The following MYCT1 variants were observed in gnomAD, a reference collection of about 807,000 sequenced individuals.
The protein encoded by MYCT1 is MYC target 1, also known as myc target protein 1.
Under a neutral mutation model 15.0 loss-of-function variants are expected in MYCT1, and 12 were observed. The observed-to-expected ratio is 0.80, with a 90% CI of 0.51 to 1.29. The LOEUF (loss-of-function observed/expected upper bound fraction) is 1.29, where lower values mean the gene tolerates loss of function less well. Ranked by LOEUF, MYCT1 falls within the 50% of genes most tolerant of loss-of-function variation. The pLI is 0.00. For synonymous variants in MYCT1, 104 were observed against 102.7 expected, an observed-to-expected ratio of 1.01 and a Z score of -0.07; for missense variants, 287 against 279.1, an observed-to-expected ratio of 1.03 and a Z score of -0.20.
chr6:152,699,345 C>T (rs1293199632), intron 1 of MYCT1, among the ~76,000 whole-genome samples: 1 of 152,112 alleles, frequency 6.6e-6, no homozygotes, highest in African/African-American at 2.4e-5. Flanking sequence ...TTTTTTCTCA[C>T]CTACATTTAT....
At chr6:152,725,684 T>A (rs148586299), downstream of MYCT1, among the ~76,000 whole-genome samples, 267 of 152,334 alleles carry the variant, frequency 1.8e-3, 2 homozygotes, top group African/African-American at 6.1e-3. Context: ...CAAGGTAAAC[T>A]GGCATTGCCC....
At position 152,700,681 on chromosome 6, in the gene MYCT1, G is replaced by C. The variant is rs147072150; in HGVS notation, c.196+2583G>C. Reference sequence around the variant, plus strand: ...CTCTATAAACATTCCCATGAAAGCTGCAGGAAACATGGCCCGTGAAAATTT... The same window carrying C: ...CTCTATAAACATTCCCATGAAAGCTCCAGGAAACATGGCCCGTGAAAATTT... On this transcript the variant is annotated intron_variant, in intron 1 of 1. Transcript: ENST00000367245. Among the ~76,000 whole-genome samples the C allele has an allele frequency of 7.9e-3, 1,209 of 152,180 alleles. 14 individuals are homozygous for C. Among genetic ancestry groups the C allele is most frequent in the African/African-American group, 0.027 (1,120 of 41,522 alleles).
At chr6:152,714,942 G>T (rs1478884423) in intron 1 of MYCT1, among the ~76,000 whole-genome samples, 2 of 151,972 alleles carry the variant, frequency 1.3e-5, no homozygotes, top group African/African-American at 4.8e-5. Context: ...ATCTTTGTGA[G>T]GTCTGGTCTT....
chr6:152,698,907 G>A (rs1250456222), intron 1 of MYCT1, among the ~76,000 whole-genome samples: 2 of 152,186 alleles, frequency 1.3e-5, no homozygotes, highest in East Asian at 3.8e-4. Flanking sequence ...AGTTGCTCCA[G>A]GTTAGAGGTA....
the MYCT1 span, among the ~76,000 whole-genome samples, chr6:152,732,474 C>G: frequency 6.6e-6 from 1 of 151,764 alleles, no homozygotes; most frequent in East Asian, 1.9e-4. Context: ...AAAATAAGTT[C>G]AAAATGGAAA....
At chr6:152,739,284 TC>T in the MYCT1 span, among the ~76,000 whole-genome samples, 1 of 151,816 alleles carries the variant, frequency 6.6e-6, no homozygotes, top group South Asian at 2.1e-4. Context: ...TAAATTATAA[TC>T]TGCAATCAAT....
the MYCT1 span, among the ~76,000 whole-genome samples, chr6:152,736,336 G>A: frequency 6.6e-6 from 1 of 152,114 alleles, no homozygotes; most frequent in African/African-American, 2.4e-5. Context: ...GGAATTTTAT[G>A]TGGATGTGTC....
intron 1 of MYCT1, among the ~76,000 whole-genome samples, chr6:152,716,778 T>C (rs948127525): frequency 6.6e-6 from 1 of 152,194 alleles, no homozygotes; most frequent in South Asian, 2.1e-4. Context: ...TTAATTTATA[T>C]GGCATAGCTG....
the MYCT1 span, among the ~76,000 whole-genome samples, chr6:152,730,976 C>A: frequency 8.9e-4 from 135 of 152,108 alleles, no homozygotes; most frequent in African/African-American, 3.1e-3. Context: ...ACAGGTTATA[C>A]AACAAATGGT....
chr6:152,744,248 T>G, the MYCT1 span, among the ~76,000 whole-genome samples: 1 of 152,222 alleles, frequency 6.6e-6, no homozygotes, highest in Non-Finnish European at 1.5e-5. Flanking sequence ...GTTCACCAAT[T>G]GGACAGACCG....
At chr6:152,720,625 A>G (rs2099724533) in intron 1 of MYCT1, among the ~76,000 whole-genome samples, 1 of 152,216 alleles carries the variant, frequency 6.6e-6, no homozygotes, top group African/African-American at 2.4e-5. Context: ...TGAGTTTTCC[A>G]GACAGAAGCT....
At chr6:152,704,235 C>CA (rs2099721862) in intron 1 of MYCT1, among the ~76,000 whole-genome samples, 1 of 152,066 alleles carries the variant, frequency 6.6e-6, no homozygotes, top group South Asian at 2.1e-4. Flanking sequence ...CTCCTGGGCT[C>CA]AAGCGATTTG....
the MYCT1 span, among the ~76,000 whole-genome samples, chr6:152,747,144 T>C: frequency 6.6e-6 from 1 of 151,776 alleles, no homozygotes; most frequent in African/African-American, 2.4e-5. Flanking sequence ...ATATAGATGC[T>C]TTAAATATAT....
the MYCT1 span, among the ~76,000 whole-genome samples, chr6:152,734,686 G>A: frequency 6.6e-6 from 1 of 151,954 alleles, no homozygotes; most frequent in African/African-American, 2.4e-5. Flanking sequence ...TTAGGAAAAT[G>A]TTTCATTCTA....
rs1456402373 is a variant in MYCT1, at chr6:152,721,937, G to A, written c.392G>A (p.Cys131Tyr). The A allele has an allele frequency of 1.9e-6, 3 of 1,614,056 alleles. No individual in the cohort carries two copies. Among genetic ancestry groups the A allele is most frequent in the African/African-American group, 2.7e-5 (2 of 74,914 alleles). Residue 131 changes from cysteine (C) to tyrosine (Y), a missense_variant, in exon 2 of 2, where the codon TGT becomes TAT. Cys to Tyr is a radical substitution (Grantham distance 194). Coordinates refer to ENST00000367245, the MANE Select transcript of MYCT1 (RefSeq NM_025107.3). Reference protein sequence around the residue: ...NRTGFYRHSGCERRSNLSLAS... With the variant: ...NRTGFYRHSGYERRSNLSLAS... ...ACTGGATTTTACCGCCACAGTGGCT[G>A]TGAACGTCGAAGCAACCTCAGCCTG...
At chr6:152,731,328 C>G in the MYCT1 span, among the ~76,000 whole-genome samples, 1 of 152,066 alleles carries the variant, frequency 6.6e-6, no homozygotes, top group Non-Finnish European at 1.5e-5. Flanking sequence ...CATTGCTAAT[C>G]TAATAGATTG....
At chr6:152,725,059 A>G (rs911942726), downstream of MYCT1, among the ~76,000 whole-genome samples, 1 of 152,032 alleles carries the variant, frequency 6.6e-6, no homozygotes, top group Non-Finnish European at 1.5e-5. Flanking sequence ...GGAAAGGGGT[A>G]CTTTTTAAGA....
At chr6:152,735,450 G>T in the MYCT1 span, among the ~76,000 whole-genome samples, 2 of 152,188 alleles carry the variant, frequency 1.3e-5, no homozygotes, top group South Asian at 2.1e-4. Flanking sequence ...GTAGTCTAGA[G>T]TTAATTCTTG....
intron 1 of MYCT1, among the ~76,000 whole-genome samples, chr6:152,703,748 T>C (rs1032677581): frequency 1.3e-5 from 2 of 152,068 alleles, no homozygotes; most frequent in Admixed American, 6.6e-5. Context: ...ACATAATCAC[T>C]GGCCCAAAAA....
Sources: allele counts gnomAD v4.1 joint callset (sites outside exome capture counted in the v4.1 genomes callset), GRCh38; gene constraint gnomAD v4.1.1; transcripts MANE v1.5; gene names NCBI Gene and HGNC (gene_info 2026-07-23, HGNC 2026-07-21).